The following ANKFN1 variants were observed in gnomAD, a reference collection of about 807,000 sequenced individuals.
The protein encoded by ANKFN1 is ankyrin repeat and fibronectin type-III domain-containing protein 1.
A neutral mutation model predicts 108.7 loss-of-function variants in ANKFN1; 74 were observed. The observed-to-expected ratio is 0.68, with a 90% CI of 0.56 to 0.83. ANKFN1 has a LOEUF of 0.83. Among genes scored for constraint, ANKFN1 ranks in the 40% least tolerant of loss-of-function variants. ANKFN1 has a pLI of 0.00. For missense variants in ANKFN1, 1,505 were observed against 1,382.3 expected, an observed-to-expected ratio of 1.09 and a Z score of -1.41; for synonymous variants, 547 against 516.2, an observed-to-expected ratio of 1.06 and a Z score of -0.81.
chr17:56,466,301 T>C, intron 14 of ANKFN1, 55 bp from the exon 15 acceptor site: 1 of 1,469,300 alleles, frequency 6.8e-7, no homozygotes, highest in South Asian at 1.2e-5. Flanking sequence ...GTTGCCGTTG[T>C]GTTGCTTTGT....
At chr17:56,051,778 G>GACTA (rs1458850739) in intron 4 of ANKFN1, among the ~76,000 whole-genome samples, 4 of 151,044 alleles carry the variant, frequency 2.6e-5, no homozygotes, top group African/African-American at 9.7e-5. Context: ...ACCAACAACA[G>GACTA]ACTAACAGAG....
chr17:56,094,480 T>A (rs1452809698), intron 4 of ANKFN1, among the ~76,000 whole-genome samples: 5 of 126,056 alleles, frequency 4.0e-5, no homozygotes, highest in Non-Finnish European at 8.1e-5. Context: ...TCTTCTTTTT[T>A]TTTTTTTTTT....
At chr17:56,395,710 A>C (rs2047561847) in intron 8 of ANKFN1, among the ~76,000 whole-genome samples, 1 of 152,066 alleles carries the variant, frequency 6.6e-6, no homozygotes. Flanking sequence ...TTAGCCAGGC[A>C]TAGTGGTGCA....
intron 2 of ANKFN1, among the ~76,000 whole-genome samples, chr17:56,220,811 GAA>G (rs1234257007): frequency 0.039 from 2,471 of 63,494 alleles, 225 homozygotes; most frequent in African/African-American, 0.19. Context: ...AGGGAGGGAG[GAA>G]GGAAGGAAGG....
intron 1 of ANKFN1, among the ~76,000 whole-genome samples, chr17:56,187,747 C>G (rs571258381): frequency 6.6e-6 from 1 of 152,268 alleles, no homozygotes; most frequent in South Asian, 2.1e-4. Flanking sequence ...GAATACTATG[C>G]AGCCATAAAA....
chr17:56,075,858 C>T (rs772745656), intron 4 of ANKFN1, among the ~76,000 whole-genome samples: 1 of 152,116 alleles, frequency 6.6e-6, no homozygotes, highest in African/African-American at 2.4e-5. Flanking sequence ...CCATGTCAAG[C>T]ACTGACGGCA....
At chr17:56,059,396 A>G (rs1269641504) in intron 4 of ANKFN1, among the ~76,000 whole-genome samples, 2 of 152,122 alleles carry the variant, frequency 1.3e-5, no homozygotes, top group Non-Finnish European at 2.9e-5. Context: ...ATTTACTCTG[A>G]TGCTAGTTTC....
At chr17:56,372,495 A>G in intron 6 of ANKFN1, 151 bp from the exon 7 acceptor site, 3 of 681,592 alleles carry the variant, frequency 4.4e-6, no homozygotes, top group Non-Finnish European at 4.9e-6. Context: ...ACCTTATCAT[A>G]GTAAGATACT....
Position 56,510,634 on chromosome 17 carries a change from GC to G in ANKFN1, c.2811del (p.Asp938ThrfsTer8). The G allele has an allele frequency of 6.5e-7, 1 of 1,536,118 alleles. No homozygotes were observed. Among genetic ancestry groups the G allele is most frequent in the Non-Finnish European group, 8.7e-7 (1 of 1,146,896 alleles). On this transcript the variant is annotated frameshift_variant, in exon 21 of 21. Transcript: ENST00000682825. LOFTEE classifies it low-confidence loss of function (END_TRUNC). ...QQTLSGLSGS[A>X]PDVLQVHDVK... ...GACCCTTAGCGGCCTAAGCGGCAGC[GC>G]CCCCGACGTCCTGCAAGTGCACGAC...
At chr17:56,165,411 G>A (rs1340643158) in intron 1 of ANKFN1, among the ~76,000 whole-genome samples, 1 of 152,172 alleles carries the variant, frequency 6.6e-6, no homozygotes, top group Non-Finnish European at 1.5e-5. Flanking sequence ...TTATTTAAAT[G>A]AGATAGGGTA....
chr17:56,148,141 T>A (rs1908375655), intron 4 of ANKFN1, among the ~76,000 whole-genome samples: 1 of 152,236 alleles, frequency 6.6e-6, no homozygotes, highest in Non-Finnish European at 1.5e-5. Context: ...ATTTTAAAAT[T>A]TCATTTGATG....
chr17:56,122,771 T>C (rs1205766350), intron 4 of ANKFN1, among the ~76,000 whole-genome samples: 1 of 152,182 alleles, frequency 6.6e-6, no homozygotes, highest in African/African-American at 2.4e-5. Flanking sequence ...TCATATTTCC[T>C]ATAGAAAGCC....
At chr17:56,362,548 T>C (rs985439666) in intron 6 of ANKFN1, among the ~76,000 whole-genome samples, 1 of 152,136 alleles carries the variant, frequency 6.6e-6, no homozygotes, top group Admixed American at 6.5e-5. Context: ...TATATCCACA[T>C]GCAGAAGAAT....
intron 1 of ANKFN1, among the ~76,000 whole-genome samples, chr17:56,167,233 A>G (rs983040132): frequency 6.8e-6 from 1 of 147,642 alleles, no homozygotes; most frequent in African/African-American, 2.5e-5. Context: ...GTGTGTGCAT[A>G]GATGTGTGTG....
chr17:56,343,223 A>G (rs924766753), intron 4 of ANKFN1, among the ~76,000 whole-genome samples: 1 of 151,028 alleles, frequency 6.6e-6, no homozygotes, highest in African/African-American at 2.4e-5. Context: ...CTTCATGTGG[A>G]TTTGCATTAC....
At chr17:56,391,075 C>T (rs976047054) in intron 8 of ANKFN1, among the ~76,000 whole-genome samples, 65 of 151,142 alleles carry the variant, frequency 4.3e-4, no homozygotes, top group East Asian at 1.4e-3. Context: ...CTGCATGTTT[C>T]ATGGGGAAAA....
chr17:56,293,906 A>C (rs1165454496), intron 3 of ANKFN1, among the ~76,000 whole-genome samples: 1 of 152,178 alleles, frequency 6.6e-6, no homozygotes, highest in Non-Finnish European at 1.5e-5. Flanking sequence ...CAGATCTGGA[A>C]TGCAGGCCCC....
Position 56,511,086 on chromosome 17 carries a change from C to A in ANKFN1, c.3258C>A (p.Ser1086=), listed in dbSNP as rs1475027402. The A allele has an allele frequency of 6.5e-7, 1 of 1,535,854 alleles. No individual in the cohort carries two copies. The highest frequency in any genetic ancestry group is 8.7e-7 in the Non-Finnish European group (1 of 1,146,846). ...RNSSLQDARP[S]VRRLYVEPYA... ...GCAGTCTCCAGGACGCGAGGCCTTCCGTCCGCCGCCTCTACGTGGAGCCCT... is the reference window on the plus strand; with the variant it reads ...GCAGTCTCCAGGACGCGAGGCCTTCAGTCCGCCGCCTCTACGTGGAGCCCT... Residue 1086 remains serine (S), a synonymous_variant, in exon 21 of 21, where the codon TCC becomes TCA. Transcript: ENST00000682825.
intron 19 of ANKFN1, among the ~76,000 whole-genome samples, chr17:56,496,263 A>C (rs2051198311): frequency 6.6e-6 from 1 of 152,172 alleles, no homozygotes. Context: ...CTTTTAAAAA[A>C]ATTTCTACGC....
Sources: gnomAD v4.1 joint callset for allele counts (sites outside exome capture counted in the v4.1 genomes callset) on GRCh38, gnomAD v4.1.1 for gene constraint, MANE v1.5 for transcripts, NCBI Gene and HGNC (gene_info 2026-07-23, HGNC 2026-07-21) for gene names.